The following TENM2 variants were observed in gnomAD, a reference collection of about 807,000 sequenced individuals.
TENM2 encodes teneurin-2.
A neutral mutation model predicts 245.2 loss-of-function variants in TENM2; 52 were observed. The observed-to-expected ratio is 0.21, with a 90% CI of 0.17 to 0.27. TENM2 has a LOEUF of 0.27. TENM2 is among the 10% of genes least tolerant of loss of function. TENM2 has a pLI of 1.00. For synonymous variants in TENM2, 1,363 were observed against 1,438.9 expected, an observed-to-expected ratio of 0.95 and a Z score of 1.19; for missense variants, 3,046 against 3,666.8, an observed-to-expected ratio of 0.83 and a Z score of 4.37.
the TENM2 span, among the ~76,000 whole-genome samples, chr5:167,062,503 GA>G: frequency 6.7e-6 from 1 of 149,612 alleles, no homozygotes; most frequent in Non-Finnish European, 1.5e-5. Flanking sequence ...AATACACATT[GA>G]AAAAAAAAAT....
intron 2 of TENM2, among the ~76,000 whole-genome samples, chr5:167,483,199 T>A (rs1373235949): frequency 6.6e-6 from 1 of 152,208 alleles, no homozygotes; most frequent in African/African-American, 2.4e-5. Context: ...TGTACAGAGT[T>A]AGCCGGCCAA....
At chr5:168,196,348 C>G (rs1025539188) in intron 15 of TENM2, among the ~76,000 whole-genome samples, 2 of 152,226 alleles carry the variant, frequency 1.3e-5, no homozygotes, top group Non-Finnish European at 2.9e-5. Context: ...TGATATCTCA[C>G]TCATACATTT....
chr5:166,988,247 T>C, the TENM2 span, among the ~76,000 whole-genome samples: 13 of 152,178 alleles, frequency 8.5e-5, no homozygotes, highest in South Asian at 1.4e-3. Context: ...AGCTAAGCCA[T>C]CAAAATTTCC....
chr5:167,258,217 ATATATATATG>A, the TENM2 span, among the ~76,000 whole-genome samples: 3 of 134,708 alleles, frequency 2.2e-5, no homozygotes, highest in South Asian at 7.2e-4. Flanking sequence ...ATATATATGT[ATATATATATG>A]TGTATATATA....
At chr5:167,394,366 T>G (rs1761933311) in intron 2 of TENM2, among the ~76,000 whole-genome samples, 1 of 152,150 alleles carries the variant, frequency 6.6e-6, no homozygotes, top group African/African-American at 2.4e-5. Context: ...ACATCATTTT[T>G]TGAGGAGACT....
intron 2 of TENM2, among the ~76,000 whole-genome samples, chr5:167,787,931 G>C (rs370605580): frequency 1.4e-4 from 21 of 152,318 alleles, no homozygotes; most frequent in East Asian, 1.2e-3. Flanking sequence ...TCAAATGAAT[G>C]CTGTTTCTAA....
the TENM2 span, among the ~76,000 whole-genome samples, chr5:167,082,043 A>G: frequency 6.6e-6 from 1 of 152,186 alleles, no homozygotes; most frequent in Non-Finnish European, 1.5e-5. Context: ...CTATGAGTGT[A>G]AAAGTGCTTT....
chr5:167,767,046 A>G (rs1344351662), intron 2 of TENM2, among the ~76,000 whole-genome samples: 2 of 152,218 alleles, frequency 1.3e-5, no homozygotes, highest in Non-Finnish European at 2.9e-5. Flanking sequence ...CCACTTTTGT[A>G]TGTATACTTG....
chr5:167,264,534 G>A, the TENM2 span, among the ~76,000 whole-genome samples: 2 of 152,150 alleles, frequency 1.3e-5, no homozygotes, highest in Admixed American at 1.3e-4. Flanking sequence ...TGGAGATTGT[G>A]TCACATTGTC....
intron 2 of TENM2, among the ~76,000 whole-genome samples, chr5:167,401,909 T>A (rs529897246): frequency 6.6e-6 from 1 of 152,106 alleles, no homozygotes; most frequent in Non-Finnish European, 1.5e-5. Context: ...AAACAGAACT[T>A]ATAGAGGATA....
intron 9 of TENM2, among the ~76,000 whole-genome samples, chr5:168,115,772 C>T (rs1188599639): frequency 2.0e-5 from 3 of 152,198 alleles, no homozygotes; most frequent in Non-Finnish European, 4.4e-5. Context: ...TTACCTAGAT[C>T]AGAAATGACA....
In TENM2 at chr5:168,218,913, C is replaced by G. The variant is rs1240351187; in HGVS notation, c.5022C>G (p.Asn1674Lys). 1.2e-6 allele frequency: 2 copies of G among 1,613,876 alleles called. No homozygotes were observed. Among genetic ancestry groups the G allele is most frequent in the Admixed American group, 1.7e-5 (1 of 60,000 alleles). The change falls in exon 23 of 29, where the codon AAC (asparagine) becomes AAG (lysine). Residue 1674 changes from asparagine to lysine, a missense_variant. Around this residue, in one of 2 missense-constraint regions of TENM2, gnomAD observed 2,704 missense variants for 3,331.9 expected, o/e 0.81. Transcript: ENST00000518659. This position sits in a 1 kb window ranked among gnomAD's most constrained non-coding sequence, Gnocchi z 5.2. Reference sequence around the variant, plus strand: ...GCCTCAAAGTCGTGTCCACACAGAACCTGGAGCTTGGTCTCATGACCTATG... The same window carrying G: ...GCCTCAAAGTCGTGTCCACACAGAAGCTGGAGCTTGGTCTCATGACCTATG...
intron 2 of TENM2, among the ~76,000 whole-genome samples, chr5:167,583,871 A>C (rs896736630): frequency 1.4e-4 from 21 of 152,112 alleles, no homozygotes; most frequent in Admixed American, 5.2e-4. Context: ...GCAGATGCTC[A>C]TCTTTTTTGT....
intron 4 of TENM2, among the ~76,000 whole-genome samples, chr5:167,971,178 AGATAGAGAT>A (rs1561996644): frequency 6.6e-6 from 1 of 152,006 alleles, no homozygotes; most frequent in Non-Finnish European, 1.5e-5. Context: ...ACAGAGATAG[AGATAGAGAT>A]GATAGAGATA....
At chr5:167,493,254 G>C (rs1336951055) in intron 2 of TENM2, among the ~76,000 whole-genome samples, 1 of 151,786 alleles carries the variant, frequency 6.6e-6, no homozygotes, top group African/African-American at 2.4e-5. Flanking sequence ...CTCCAGCCTG[G>C]GTGAGAGAGT....
intron 2 of TENM2, chr5:167,754,829 A>G: frequency 2.5e-6 from 1 of 408,162 alleles, no homozygotes; most frequent in Non-Finnish European, 4.3e-6. Flanking sequence ...TTTGGCTGGC[A>G]GCGGGGGAGG....
chr5:167,540,699 G>A (rs1772149124), intron 2 of TENM2, among the ~76,000 whole-genome samples: 1 of 152,144 alleles, frequency 6.6e-6, no homozygotes, highest in Admixed American at 6.5e-5. Flanking sequence ...TTGGGAGTCA[G>A]GTAGAGCCAT....
At chr5:167,975,701 A>G (rs1423588676) in intron 4 of TENM2, among the ~76,000 whole-genome samples, 2 of 152,186 alleles carry the variant, frequency 1.3e-5, no homozygotes. Flanking sequence ...TATGGCTATT[A>G]CACAAACAAA....
intron 5 of TENM2, among the ~76,000 whole-genome samples, chr5:168,034,121 GTA>G (rs200576790): frequency 0.13 from 11,944 of 89,870 alleles, 801 homozygotes; most frequent in East Asian, 0.23. Flanking sequence ...ATATATATGT[GTA>G]TATATATATA....
Sources: allele counts gnomAD v4.1 joint callset (sites outside exome capture counted in the v4.1 genomes callset), GRCh38; gene constraint gnomAD v4.1.1; regional missense constraint gnomAD v4.1.1; non-coding constraint Gnocchi (gnomAD v3.1); transcripts MANE v1.5; gene names NCBI Gene and HGNC (gene_info 2026-07-23, HGNC 2026-07-21).